Variants in TBC1D19 observed in about 807,000 individuals in gnomAD.
TBC1D19 encodes TBC1 domain family, member 19.
In TBC1D19, 60 loss-of-function variants were observed where a neutral mutation model predicts 89.0. The observed-to-expected ratio is 0.67, with a 90% CI of 0.55 to 0.84. The LOEUF is 0.84. Among genes scored for constraint, TBC1D19 ranks in the 40% least tolerant of loss-of-function variants. TBC1D19 has a pLI of 0.00. For missense variants in TBC1D19, 500 were observed against 610.8 expected (o/e 0.82, Z 1.91); for synonymous variants, 189 against 199.7 (o/e 0.95, Z 0.45).
At position 26,755,134 on chromosome 4, in the gene TBC1D19, G is replaced by T. The variant is rs936683714; in HGVS notation, c.*187G>T. The T allele has an allele frequency of 9.2e-6, 3 of 325,018 alleles. No homozygotes were observed. Among genetic ancestry groups the T allele is most frequent in the South Asian group, 9.5e-5 (1 of 10,500 alleles). 20.1% of individuals were successfully genotyped at this position (325,018 alleles called of 1,614,324 possible). On this transcript the variant is annotated 3_prime_UTR_variant, in exon 21 of 21. Coordinates refer to ENST00000264866, the MANE Select transcript of TBC1D19 (RefSeq NM_018317.4). ...ATAACTCTGCACCAAATATTGCATC[G>T]CATGCTGCTGATTTTCAAGAGAGAA...
chr4:26,784,150 T>C, the TBC1D19 span, among the ~76,000 whole-genome samples: 6 of 152,052 alleles, frequency 3.9e-5, no homozygotes, highest in Non-Finnish European at 8.8e-5. Context: ...TCTTCATCCT[T>C]CCCAGGCATA....
chr4:26,794,383 T>C, the TBC1D19 span, among the ~76,000 whole-genome samples: 46 of 151,944 alleles, frequency 3.0e-4, no homozygotes, highest in South Asian at 4.2e-4. Context: ...TAAATGAAAA[T>C]AAACTATTTG....
At chr4:26,638,952 A>C in intron 6 of TBC1D19, 118 bp downstream of exon 6, 1 of 836,656 alleles carries the variant, frequency 1.2e-6, no homozygotes, top group Non-Finnish European at 1.8e-6. Flanking sequence ...CCTTCTCATT[A>C]ATTTTCTATC....
the TBC1D19 span, among the ~76,000 whole-genome samples, chr4:26,795,216 C>T: frequency 7.2e-5 from 11 of 152,184 alleles, no homozygotes; most frequent in African/African-American, 2.4e-4. Flanking sequence ...CAGATTTCCT[C>T]GTCCTGGAAT....
At chr4:26,671,164 T>C (rs1310741934) in intron 9 of TBC1D19, among the ~76,000 whole-genome samples, 1 of 151,804 alleles carries the variant, frequency 6.6e-6, no homozygotes, top group Non-Finnish European at 1.5e-5. Context: ...TCCCACTAGC[T>C]TTGTATGAGA....
At chr4:26,777,135 CTTT>C in the TBC1D19 span, among the ~76,000 whole-genome samples, 9 of 122,664 alleles carry the variant, frequency 7.3e-5, no homozygotes, top group Admixed American at 1.7e-4. Flanking sequence ...TCTCTCTCTT[CTTT>C]TTTTTTTTTT....
the TBC1D19 span, among the ~76,000 whole-genome samples, chr4:26,840,635 T>A: frequency 6.6e-6 from 1 of 152,102 alleles, no homozygotes; most frequent in African/African-American, 2.4e-5. Flanking sequence ...CTCCTCCTCG[T>A]GGGAAATGTT....
the TBC1D19 span, among the ~76,000 whole-genome samples, chr4:26,809,715 T>G: frequency 2.6e-5 from 4 of 152,162 alleles, no homozygotes; most frequent in Admixed American, 6.5e-5. Context: ...TTATCACACC[T>G]GAGCGGTGAG....
intron 17 of TBC1D19, 51 bp downstream of exon 17, chr4:26,740,024 CT>C: frequency 2.4e-6 from 3 of 1,230,020 alleles, no homozygotes; most frequent in South Asian, 3.3e-5. Context: ...GTAATCTATT[CT>C]TTCTTTCTGT....
intron 2 of TBC1D19, 143 bp from the exon 3 acceptor site, chr4:26,614,265 G>A (rs1021940223): frequency 1.8e-5 from 10 of 554,342 alleles, no homozygotes; most frequent in African/African-American, 1.7e-4. Context: ...CTTTAATAAC[G>A]CTTTACATAG....
intron 1 of TBC1D19, among the ~76,000 whole-genome samples, chr4:26,592,076 G>A (rs1316433546): frequency 6.6e-6 from 1 of 152,160 alleles, no homozygotes; most frequent in Non-Finnish European, 1.5e-5. Flanking sequence ...GAACATCAAT[G>A]CAAAAATCCT....
At chr4:26,744,450 CTTGT>C (rs1477904707) in intron 18 of TBC1D19, among the ~76,000 whole-genome samples, 1 of 151,292 alleles carries the variant, frequency 6.6e-6, no homozygotes, top group African/African-American at 2.4e-5. Flanking sequence ...TGTCTTTCTG[CTTGT>C]TTAAGGTAGA....
In TBC1D19 at chr4:26,745,497, C is replaced by CTTTT. The variant is rs71186486; in HGVS notation, c.1320-2889_1320-2886dup. On this transcript the variant is annotated intron_variant, in intron 18 of 20. Coordinates refer to ENST00000264866, the MANE Select transcript of TBC1D19 (RefSeq NM_018317.4). ...GTGCCATGAGGTTTACAATATACTT[C>CTTTT]TTTTTTTTTTTTTTTTTTTTTTTTT... Among the ~76,000 whole-genome samples the CTTTT allele has an allele frequency of 5.8e-3, 236 of 40,606 alleles. 61 individuals are homozygous for CTTTT. Among genetic ancestry groups the CTTTT allele is most frequent in the East Asian group, 0.018 (18 of 982 alleles). 26.6% of individuals were successfully genotyped at this position (40,606 alleles called of 152,430 possible). A position where few individuals can be genotyped will look rare whatever the true frequency, so the allele number is the denominator to read the frequency against.
intron 15 of TBC1D19, among the ~76,000 whole-genome samples, chr4:26,728,316 G>C (rs1412181181): frequency 6.6e-6 from 1 of 152,150 alleles, no homozygotes; most frequent in Non-Finnish European, 1.5e-5. Flanking sequence ...TATTTAGAAA[G>C]ATATAATATG....
the TBC1D19 span, among the ~76,000 whole-genome samples, chr4:26,796,331 C>T: frequency 6.6e-6 from 1 of 152,132 alleles, no homozygotes; most frequent in Non-Finnish European, 1.5e-5. Context: ...ACCCAAAACT[C>T]GTCAACACAG....
At chr4:26,688,436 T>C (rs1713999975) in intron 13 of TBC1D19, 29 bp downstream of exon 13, 1 of 1,512,278 alleles carries the variant, frequency 6.6e-7, no homozygotes, top group African/African-American at 1.4e-5. Flanking sequence ...ATACATAGTG[T>C]TCTTGTTTTA....
chr4:26,596,455 CGT>C (rs35226421), intron 1 of TBC1D19, among the ~76,000 whole-genome samples: 36,752 of 144,650 alleles, frequency 0.25, 4,471 homozygotes, highest in Non-Finnish European at 0.3. Flanking sequence ...AATGGTAACT[CGT>C]GTGTGTGTGT....
chr4:26,587,414 C>CA (rs1363606669), intron 1 of TBC1D19, among the ~76,000 whole-genome samples: 2 of 151,824 alleles, frequency 1.3e-5, no homozygotes, highest in East Asian at 1.9e-4. Flanking sequence ...CCTATCTCCA[C>CA]AAAAAATACA....
the TBC1D19 span, among the ~76,000 whole-genome samples, chr4:26,797,576 C>T: frequency 7.9e-5 from 12 of 152,000 alleles, no homozygotes; most frequent in South Asian, 2.1e-4. Flanking sequence ...AAAAAGAGCC[C>T]GAATAGCCAA....
Sources: gnomAD v4.1 joint callset for allele counts (sites outside exome capture counted in the v4.1 genomes callset) on GRCh38, gnomAD v4.1.1 for gene constraint, MANE v1.5 for transcripts, NCBI Gene and HGNC (gene_info 2026-07-23, HGNC 2026-07-21) for gene names.